BMPR2: variants seen among roughly 807,000 people sequenced by gnomAD.
BMPR2 encodes the protein bone morphogenetic protein receptor type 2, also known as bone morphogenetic protein receptor type-2.
BMPR2 carries 29 observed loss-of-function variants against 100.8 expected under a neutral mutation model. The observed-to-expected ratio is 0.29, with a 90% CI of 0.21 to 0.39. The LOEUF (loss-of-function observed/expected upper bound fraction) is 0.39. Ranked by LOEUF, BMPR2 falls within the 10% of genes least tolerant of loss-of-function variation. The pLI, the probability that BMPR2 is intolerant of heterozygous loss-of-function variation, is 1.00. For synonymous variants in BMPR2, 382 were observed against 442.3 expected (o/e 0.86, Z 1.71); for missense variants, 1,011 against 1,274.5 (o/e 0.79, Z 3.15).
chr2:202,404,218 G>A (rs1690834300), intron 1 of BMPR2, among the ~76,000 whole-genome samples: 1 of 145,220 alleles, frequency 6.9e-6, no homozygotes. Context: ...TTGAGATGGA[G>A]TCTTACTCTG....
rs941778265 is a variant in BMPR2, at chr2:202,567,259, A to T, written c.*7313A>T. On this transcript the variant is annotated 3_prime_UTR_variant, in exon 13 of 13. Coordinates refer to ENST00000374580, the MANE Select transcript of BMPR2 (RefSeq NM_001204.7). The stretch of plus-strand genomic sequence containing the variant: ...TTTCTGAATGGACAGGAGAAACATA[A>T]GCTACGGAGTATTCACTTCTGAGGA... The T allele has an allele frequency of 5.2e-5, 8 of 152,638 alleles. No individual in the cohort carries two copies. The highest frequency in any genetic ancestry group is 1.7e-4 in the African/African-American group (7 of 41,442). 9.5% of individuals were successfully genotyped at this position (152,638 alleles called of 1,614,324 possible).
chr2:202,467,499 GTATTCA>G lies in BMPR2; in HGVS notation c.248-15_248-10del. 13 of 1,530,160 alleles carry G rather than the reference GTATTCA, an allele frequency of 8.5e-6. No individual in the cohort carries two copies. Among genetic ancestry groups the G allele is most frequent in the Non-Finnish European group, 1.2e-5 (13 of 1,105,474 alleles). 94.8% of individuals were successfully genotyped at this position (1,530,160 alleles called of 1,614,324 possible). A position where few individuals can be genotyped will look rare whatever the true frequency, so the allele number is the denominator to read the frequency against. On this transcript the variant is annotated splice_polypyrimidine_tract_variant and intron_variant, in intron 2 of 12. Transcript: ENST00000374580. ...TCTTTATCATATTGTCTCCTTTTTTGTATTCATATTGATTTATAGGATGTTGGTCTC... is the reference window on the plus strand; with the variant it reads ...TCTTTATCATATTGTCTCCTTTTTTGTATTGATTTATAGGATGTTGGTCTC...
intron 9 of BMPR2, among the ~76,000 whole-genome samples, chr2:202,537,940 T>C (rs1330009163): frequency 6.6e-6 from 1 of 152,008 alleles, no homozygotes; most frequent in Admixed American, 6.6e-5. Context: ...CTGGCCAGCA[T>C]GGTGAAACCC....
chr2:202,542,329 A>G lies in BMPR2; in HGVS notation c.1295A>G (p.Tyr432Cys), dbSNP rs1354059316. 1 of 1,613,966 alleles carries G rather than the reference A, an allele frequency of 6.2e-7. No individual in the cohort carries two copies. The highest frequency in any genetic ancestry group is 8.5e-7 in the Non-Finnish European group (1 of 1,179,976). ...DLFPGESVPE[Y>C]QMAFQTEVGN... ...TCCACAGGGGAATCCGTACCAGAGT[A>G]CCAGATGGCTTTTCAGACAGAGGTT... The change falls in exon 10 of 13, where the codon TAC (tyrosine) becomes TGC (cysteine). Residue 432 changes from tyrosine (Y) to cysteine (C), a missense_variant. Around this residue, in one of 6 missense-constraint regions of BMPR2, gnomAD observed 83 missense variants for 140.7 expected, o/e 0.59. Transcript: ENST00000374580.
intron 1 of BMPR2, among the ~76,000 whole-genome samples, chr2:202,392,424 C>T (rs780411225): frequency 4.6e-5 from 7 of 151,394 alleles, no homozygotes; most frequent in Non-Finnish European, 8.9e-5. Context: ...GTCAAGTTGT[C>T]TTCTCATCAC....
intron 1 of BMPR2, among the ~76,000 whole-genome samples, chr2:202,446,971 T>A (rs917840531): frequency 1.3e-5 from 2 of 149,308 alleles, no homozygotes; most frequent in Non-Finnish European, 2.9e-5. Flanking sequence ...AAAATGCAGT[T>A]ACATTATGCT....
At chr2:202,461,693 T>G (rs1188728837) in intron 1 of BMPR2, among the ~76,000 whole-genome samples, 1 of 151,998 alleles carries the variant, frequency 6.6e-6, no homozygotes, top group Non-Finnish European at 1.5e-5. Context: ...GCTAGAAAAT[T>G]GAGAGTTTTA....
chr2:202,422,965 A>T (rs1373987236), intron 1 of BMPR2, among the ~76,000 whole-genome samples: 2 of 152,256 alleles, frequency 1.3e-5, no homozygotes, highest in Non-Finnish European at 1.5e-5. Context: ...GGCATGAGCC[A>T]CTGCACCCGG....
intron 3 of BMPR2, among the ~76,000 whole-genome samples, chr2:202,476,531 G>C (rs1692555956): frequency 6.6e-6 from 1 of 152,182 alleles, no homozygotes; most frequent in Non-Finnish European, 1.5e-5. Context: ...GCTCATGCCT[G>C]TAATCCTAGC....
intron 7 of BMPR2, among the ~76,000 whole-genome samples, chr2:202,524,120 T>TG (rs1486389134): frequency 6.6e-6 from 1 of 151,912 alleles, no homozygotes; most frequent in Non-Finnish European, 1.5e-5. Flanking sequence ...CCCAGCACTT[T>TG]GGGGGGCTGA....
intron 12 of BMPR2, 49 bp downstream of exon 12, chr2:202,556,580 T>C (rs1688577257): frequency 6.3e-7 from 1 of 1,579,438 alleles, no homozygotes; most frequent in Non-Finnish European, 8.6e-7. Context: ...TTGGGGCCAT[T>C]TAAATAACTA....
Position 202,532,866 on chromosome 2 carries a change from C to G in BMPR2, c.1276+134C>G. 1.8e-6 allele frequency: 2 copies of G among 1,101,820 alleles called. No homozygotes were observed. Among genetic ancestry groups the G allele is most frequent in the Non-Finnish European group, 2.6e-6 (2 of 780,350 alleles). The allele number at this position is 1,101,820 out of a possible 1,614,324, so 68.3% of individuals were successfully genotyped here. A position where few individuals can be genotyped will look rare whatever the true frequency, so the allele number is the denominator to read the frequency against. ...ATTTAAACCTTTAGTTCATTGCTAT[C>G]TAGTGTTTAGAAACATTATTAGCAG... On this transcript the variant is annotated intron_variant, in intron 9 of 12. Transcript: ENST00000374580. The surrounding 1 kb of genome is among the most constrained non-coding windows in gnomAD (Gnocchi z 4.1).
intron 12 of BMPR2, 72 bp downstream of exon 12, chr2:202,556,603 T>G: frequency 6.7e-7 from 1 of 1,492,716 alleles, no homozygotes; most frequent in Non-Finnish European, 9.2e-7. Flanking sequence ...TAGAATCAAC[T>G]AATAGATATA....
At chr2:202,528,645 A>G (rs1018188734) in intron 7 of BMPR2, among the ~76,000 whole-genome samples, 3 of 152,256 alleles carry the variant, frequency 2.0e-5, no homozygotes, top group Non-Finnish European at 4.4e-5. Flanking sequence ...ATTAGCCTAC[A>G]GTTGGCCAAA....
At chr2:202,550,467 T>C (rs10176218) in intron 10 of BMPR2, among the ~76,000 whole-genome samples, 1 of 151,844 alleles carries the variant, frequency 6.6e-6, no homozygotes, top group Non-Finnish European at 1.5e-5. Flanking sequence ...GTCCTCCCAC[T>C]GCAGCCTTCC....
chr2:202,459,943 T>C (rs932761565), intron 1 of BMPR2, among the ~76,000 whole-genome samples: 23 of 152,024 alleles, frequency 1.5e-4, no homozygotes, highest in African/African-American at 5.1e-4. Flanking sequence ...CGTTAAAAAG[T>C]GGGCAAAGGA....
intron 1 of BMPR2, among the ~76,000 whole-genome samples, chr2:202,460,750 A>G (rs919793853): frequency 6.6e-6 from 1 of 152,146 alleles, no homozygotes; most frequent in Non-Finnish European, 1.5e-5. Flanking sequence ...AGACATAAGA[A>G]AAATGAATGA....
intron 1 of BMPR2, among the ~76,000 whole-genome samples, chr2:202,459,720 C>T (rs1349427852): frequency 6.6e-6 from 1 of 152,072 alleles, no homozygotes; most frequent in Non-Finnish European, 1.5e-5. Flanking sequence ...ATGCCAAAAG[C>T]AATTGCAACA....
At chr2:202,385,777 CTA>C (rs1690416360) in intron 1 of BMPR2, among the ~76,000 whole-genome samples, 1 of 150,686 alleles carries the variant, frequency 6.6e-6, no homozygotes, top group Non-Finnish European at 1.5e-5. Context: ...ATCTTAATAA[CTA>C]TCATTTTTTC....
Sources: gnomAD v4.1 joint callset for allele counts (sites outside exome capture counted in the v4.1 genomes callset) on GRCh38, gnomAD v4.1.1 for gene constraint, gnomAD v4.1.1 regional missense constraint, Gnocchi (gnomAD v3.1) non-coding constraint, MANE v1.5 for transcripts, NCBI Gene and HGNC (gene_info 2026-07-23, HGNC 2026-07-21) for gene names.